FOXP1: variants seen among roughly 807,000 people sequenced by gnomAD.
FOXP1 encodes the protein forkhead box protein P1.
A neutral mutation model predicts 98.2 loss-of-function variants in FOXP1; 15 were observed. The ratio of observed to expected loss-of-function variants is 0.15; its 90% CI spans 0.10 to 0.24. FOXP1 has a LOEUF of 0.24. Among genes scored for constraint, FOXP1 ranks in the 10% least tolerant of loss-of-function variants. The pLI is 1.00. For missense variants in FOXP1, 633 were observed against 848.5 expected (o/e 0.75, Z 3.15); for synonymous variants, 371 against 314.5 (o/e 1.18, Z -1.90).
chr3:71,463,191 C>T lies in FOXP1; in HGVS notation c.-168+30235G>A, dbSNP rs1375844370. Among the ~76,000 whole-genome samples, 6 of 151,850 alleles carry T rather than the reference C, an allele frequency of 4.0e-5. No individual in the cohort carries two copies. The South Asian group carries it at 8.4e-4, about 21-fold the overall frequency. ...TAGCCTCAGCAACATGGTGAAACCC[C>T]GACTCTACTAAAAATACAAAAAGTT... On this transcript the variant is annotated intron_variant, in intron 3 of 20. Transcript: ENST00000649528.
At chr3:71,249,952 C>A (rs2068051522) in intron 5 of FOXP1, among the ~76,000 whole-genome samples, 1 of 152,186 alleles carries the variant, frequency 6.6e-6, no homozygotes, top group South Asian at 2.1e-4. Flanking sequence ...ACAGGTTTAA[C>A]CCTACTTAGC....
intron 6 of FOXP1, among the ~76,000 whole-genome samples, chr3:71,114,846 C>T (rs1292745130): frequency 1.3e-5 from 2 of 152,152 alleles, no homozygotes; most frequent in Admixed American, 1.3e-4. Flanking sequence ...CACTGGACTC[C>T]GGGTTTCCTT....
At chr3:71,164,495 G>A (rs1247890308) in intron 6 of FOXP1, among the ~76,000 whole-genome samples, 3 of 152,272 alleles carry the variant, frequency 2.0e-5, no homozygotes, top group East Asian at 1.9e-4. Flanking sequence ...CACAGCGCCC[G>A]GTCCCGACTG....
intron 3 of FOXP1, among the ~76,000 whole-genome samples, chr3:71,473,602 A>G (rs560254705): frequency 1.3e-5 from 2 of 152,286 alleles, no homozygotes; most frequent in African/African-American, 4.8e-5. Flanking sequence ...CAACTGATGT[A>G]TAACTGCCCG....
intron 3 of FOXP1, among the ~76,000 whole-genome samples, chr3:71,430,512 G>GAA (rs879392783): frequency 1.8e-4 from 24 of 136,632 alleles, no homozygotes; most frequent in African/African-American, 5.3e-4. Flanking sequence ...AGGAAAGAAA[G>GAA]AAAAAAAAAA....
chr3:71,506,433 C>T (rs1291352569), intron 2 of FOXP1, among the ~76,000 whole-genome samples: 1 of 152,186 alleles, frequency 6.6e-6, no homozygotes, highest in African/African-American at 2.4e-5. Context: ...AATCCGCACA[C>T]GCTCCCTACA....
At chr3:70,973,840 C>A (rs1330015738) in intron 17 of FOXP1, among the ~76,000 whole-genome samples, 2 of 97,378 alleles carry the variant, frequency 2.1e-5, no homozygotes, top group African/African-American at 4.3e-5. Flanking sequence ...ACACCGCCCC[C>A]CCCCCCCCAC....
chr3:71,481,963 C>G (rs1210697754), intron 3 of FOXP1, among the ~76,000 whole-genome samples: 2 of 152,146 alleles, frequency 1.3e-5, no homozygotes, highest in Non-Finnish European at 2.9e-5. Flanking sequence ...ACTTCCTCCA[C>G]CTGTTTACGA....
intron 10 of FOXP1, among the ~76,000 whole-genome samples, chr3:71,045,392 T>A (rs971261393): frequency 6.6e-6 from 1 of 152,178 alleles, no homozygotes; most frequent in African/African-American, 2.4e-5. Context: ...ACTATAACAA[T>A]GAACCTTAGT....
At chr3:71,053,553 G>T in intron 8 of FOXP1, 83 bp downstream of exon 8, 1 of 1,547,958 alleles carries the variant, frequency 6.5e-7, no homozygotes, top group Non-Finnish European at 8.9e-7. Context: ...GAGCTGCTCT[G>T]GTGGAGGGGA....
intron 6 of FOXP1, among the ~76,000 whole-genome samples, chr3:71,168,219 A>G (rs1391846251): frequency 6.6e-6 from 1 of 152,154 alleles, no homozygotes; most frequent in Non-Finnish European, 1.5e-5. Context: ...GTAACCACAT[A>G]CAGTTTATTA....
At chr3:71,297,996 T>C (rs2073486567) in intron 5 of FOXP1, among the ~76,000 whole-genome samples, 1 of 152,116 alleles carries the variant, frequency 6.6e-6, no homozygotes, top group Non-Finnish European at 1.5e-5. Flanking sequence ...ATGAGGAGCA[T>C]CTTGGATTGA....
intron 1 of FOXP1, chr3:71,582,011 G>C: frequency 1.0e-6 from 1 of 973,556 alleles, no homozygotes; most frequent in Non-Finnish European, 1.2e-6. Context: ...GATCACGGGC[G>C]CAAGGTTTGG....
At chr3:71,455,060 G>C (rs1285467447) in intron 3 of FOXP1, among the ~76,000 whole-genome samples, 1 of 152,002 alleles carries the variant, frequency 6.6e-6, no homozygotes, top group Non-Finnish European at 1.5e-5. Flanking sequence ...AATGAGGCGG[G>C]GGCAGTGTTC....
At chr3:71,426,157 T>A (rs1424503068) in intron 3 of FOXP1, among the ~76,000 whole-genome samples, 1 of 152,164 alleles carries the variant, frequency 6.6e-6, no homozygotes, top group Non-Finnish European at 1.5e-5. Flanking sequence ...ACTCTGGAAA[T>A]GCAGGTAGGT....
rs1178084469 is a variant in FOXP1 at position 71,047,079 on chromosome 3, G to T, written c.527C>A (p.Thr176Asn). Residue 176 changes from threonine (T) to asparagine (N), a missense_variant, in exon 10 of 21, where the codon ACC becomes AAC. Thr to Asn is a moderately conservative substitution (Grantham distance 65, BLOSUM62 0). Transcript: ENST00000649528. Reference protein sequence around the residue: ...KQPKEQQQVATQQLAFQQQLL... With the variant: ...KQPKEQQQVANQQLAFQQQLL... ...CTGCTGCTGAAAAGCCAACTGCTGG[G>T]TAGCCACCTGCTGTTGCTGTAAGAA... 1 of 1,613,914 alleles carries T rather than the reference G, an allele frequency of 6.2e-7. No individual in the cohort carries two copies. The highest frequency in any genetic ancestry group is 1.3e-5 in the African/African-American group (1 of 74,898).
At chr3:71,449,628 A>G (rs1560503303) in intron 3 of FOXP1, among the ~76,000 whole-genome samples, 1 of 152,176 alleles carries the variant, frequency 6.6e-6, no homozygotes, top group Non-Finnish European at 1.5e-5. Flanking sequence ...TCTCCCATAC[A>G]AACAGGGATT....
chr3:71,046,331 T>A (rs1436325018), intron 10 of FOXP1, among the ~76,000 whole-genome samples: 1 of 152,174 alleles, frequency 6.6e-6, no homozygotes, highest in East Asian at 1.9e-4. Flanking sequence ...ATCTCAGTTG[T>A]TGAGGAACTG....
intron 3 of FOXP1, among the ~76,000 whole-genome samples, chr3:71,378,279 T>C (rs2079878340): frequency 6.6e-6 from 1 of 152,082 alleles, no homozygotes. Flanking sequence ...CCAAAGAAGG[T>C]ACCGCTGGGG....
Sources: gnomAD v4.1 joint callset for allele counts (sites outside exome capture counted in the v4.1 genomes callset) on GRCh38, gnomAD v4.1.1 for gene constraint, MANE v1.5 for transcripts, NCBI Gene and HGNC (gene_info 2026-07-23, HGNC 2026-07-21) for gene names.